Variants in CNTN1 observed in about 807,000 individuals in gnomAD.
CNTN1 encodes contactin-1.
In CNTN1, 38 loss-of-function variants were observed where a neutral mutation model predicts 126.4. The ratio of observed to expected loss-of-function variants is 0.30; its 90% confidence interval spans 0.23 to 0.39. The LOEUF (loss-of-function observed/expected upper bound fraction) is 0.39. Among genes scored for constraint, CNTN1 ranks in the 10% least tolerant of loss-of-function variants. The probability of loss-of-function intolerance (pLI) is 1.00; values close to 1 mark genes in which losing one functional copy is unlikely to be tolerated. For synonymous variants in CNTN1, 413 were observed against 422.6 expected, an observed-to-expected ratio of 0.98 and a Z score of 0.28; for missense variants, 1,009 against 1,248.4, an observed-to-expected ratio of 0.81 and a Z score of 2.89.
chr12:41,060,210 A>T (rs888989190), intron 23 of CNTN1, among the ~76,000 whole-genome samples: 33 of 152,150 alleles, frequency 2.2e-4, no homozygotes, highest in African/African-American at 2.4e-5. Context: ...AAGCAATAGA[A>T]CGAGCAATTT....
At chr12:41,023,051 T>C (rs773402711) in intron 20 of CNTN1, among the ~76,000 whole-genome samples, 1 of 152,092 alleles carries the variant, frequency 6.6e-6, no homozygotes, top group Non-Finnish European at 1.5e-5. Context: ...TGACTGACTA[T>C]AATGTGGTTA....
intron 1 of CNTN1, among the ~76,000 whole-genome samples, chr12:40,904,483 C>A (rs1236180187): frequency 6.6e-6 from 1 of 151,086 alleles, no homozygotes; most frequent in Non-Finnish European, 1.5e-5. Context: ...GGCTGGAGTA[C>A]AGTGGCATGA....
At chr12:40,729,162 T>A in intron 1 of CNTN1, 1 of 210,142 alleles carries the variant, frequency 4.8e-6, no homozygotes, top group Non-Finnish European at 1.0e-5. Context: ...AACAGGCTCT[T>A]AAAGATACTT....
intron 1 of CNTN1, among the ~76,000 whole-genome samples, chr12:40,848,019 C>T (rs568026980): frequency 2.0e-5 from 3 of 152,312 alleles, no homozygotes; most frequent in East Asian, 3.9e-4. Context: ...GGAGCTCAGG[C>T]AGCAATGCTT....
intron 1 of CNTN1, among the ~76,000 whole-genome samples, chr12:40,865,883 A>T (rs1943278265): frequency 6.6e-6 from 1 of 152,108 alleles, no homozygotes; most frequent in Non-Finnish European, 1.5e-5. Context: ...GAAAGGGATT[A>T]CATTCAATCT....
At chr12:40,752,708 T>G (rs1001690638) in intron 1 of CNTN1, among the ~76,000 whole-genome samples, 1 of 152,102 alleles carries the variant, frequency 6.6e-6, no homozygotes, top group Non-Finnish European at 1.5e-5. Context: ...TGTTTTACAA[T>G]GGTTTCACAA....
chr12:40,718,098 G>A (rs1942093891), intron 1 of CNTN1, among the ~76,000 whole-genome samples: 1 of 152,064 alleles, frequency 6.6e-6, no homozygotes, highest in African/African-American at 2.4e-5. Context: ...TTAAAGTAAT[G>A]TGCATTCTCA....
chr12:40,788,931 C>A (rs989394889), intron 1 of CNTN1, among the ~76,000 whole-genome samples: 4 of 151,972 alleles, frequency 2.6e-5, no homozygotes, highest in African/African-American at 9.7e-5. Context: ...CTCTCGTGTT[C>A]GATATTCTTA....
intron 1 of CNTN1, among the ~76,000 whole-genome samples, chr12:40,703,981 G>A (rs910730307): frequency 6.6e-6 from 1 of 152,150 alleles, no homozygotes; most frequent in South Asian, 2.1e-4. Flanking sequence ...TAGGGGAATT[G>A]TTCTATGCAG....
chr12:40,811,323 G>A (rs1941052672), intron 1 of CNTN1, among the ~76,000 whole-genome samples: 1 of 152,116 alleles, frequency 6.6e-6, no homozygotes, highest in African/African-American at 2.4e-5. Flanking sequence ...ACACTGAGTT[G>A]AGGATATTTG....
chr12:40,894,416 A>G (rs1337818802), intron 1 of CNTN1, among the ~76,000 whole-genome samples: 3 of 152,188 alleles, frequency 2.0e-5, no homozygotes, highest in Non-Finnish European at 4.4e-5. Flanking sequence ...TATTAATATT[A>G]GCTCATCAAT....
intron 1 of CNTN1, among the ~76,000 whole-genome samples, chr12:40,826,676 T>C (rs1941623413): frequency 6.6e-6 from 1 of 152,206 alleles, no homozygotes; most frequent in African/African-American, 2.4e-5. Context: ...TCAACTGCTA[T>C]TGATTTGTTG....
At chr12:40,807,967 C>T (rs1238274291) in intron 1 of CNTN1, among the ~76,000 whole-genome samples, 5 of 152,078 alleles carry the variant, frequency 3.3e-5, no homozygotes, top group Non-Finnish European at 5.9e-5. Context: ...CAAATTTAAC[C>T]ACAATGATTT....
At chr12:40,755,079 T>A (rs964430704) in intron 1 of CNTN1, among the ~76,000 whole-genome samples, 16 of 151,140 alleles carry the variant, frequency 1.1e-4, no homozygotes, top group African/African-American at 3.9e-4. Flanking sequence ...TAGTCCCAGT[T>A]ACTTGAGAGG....
At chr12:40,765,888 G>A (rs1939065210) in intron 1 of CNTN1, among the ~76,000 whole-genome samples, 1 of 152,164 alleles carries the variant, frequency 6.6e-6, no homozygotes, top group African/African-American at 2.4e-5. Context: ...AGTGTTGGAG[G>A]GAATCAGACA....
Position 40,726,815 on chromosome 12 carries a change from A to T in CNTN1, c.-77+34223A>T, listed in dbSNP as rs535850598. On this transcript the variant is annotated intron_variant, in intron 1 of 23. Coordinates refer to ENST00000551295, the MANE Select transcript of CNTN1 (RefSeq NM_001843.4). ...AAATCAGTAGACAAACTAATAAAGG[A>T]AAATGAATTAAAATAAGTTAGCCAT... is the stretch of plus-strand genomic sequence containing the variant. 1.7e-4 allele frequency among the ~76,000 whole-genome samples: 26 copies of T among 151,846 alleles called. No homozygotes were observed. In the South Asian group the frequency reaches 4.6e-3, roughly 27 times the overall value.
intron 1 of CNTN1, among the ~76,000 whole-genome samples, chr12:40,764,232 C>G (rs1014137764): frequency 6.6e-6 from 1 of 152,078 alleles, no homozygotes; most frequent in African/African-American, 2.4e-5. Flanking sequence ...AACAATAGCA[C>G]CAGGCAGATT....
intron 1 of CNTN1, among the ~76,000 whole-genome samples, chr12:40,782,745 C>A (rs549450937): frequency 3.3e-5 from 5 of 151,944 alleles, no homozygotes; most frequent in African/African-American, 1.2e-4. Context: ...TATTCTCTAC[C>A]TGAAAAATAA....
chr12:41,049,418 C>G (rs975233378), intron 23 of CNTN1, among the ~76,000 whole-genome samples: 2 of 152,240 alleles, frequency 1.3e-5, no homozygotes, highest in African/African-American at 4.8e-5. Context: ...AATAAAGTAT[C>G]TCCAATCTTC....
Sources: gnomAD v4.1 joint callset for allele counts (sites outside exome capture counted in the v4.1 genomes callset) on GRCh38, gnomAD v4.1.1 for gene constraint, MANE v1.5 for transcripts, NCBI Gene and HGNC (gene_info 2026-07-23, HGNC 2026-07-21) for gene names.